KCNJ3: variants seen among roughly 807,000 people sequenced by gnomAD.
KCNJ3 encodes G protein-activated inward rectifier potassium channel 1.
A neutral mutation model predicts 39.2 loss-of-function variants in KCNJ3; 4 were observed. That is an observed-to-expected ratio of 0.10 (90% confidence interval 0.05 to 0.23). KCNJ3 has a LOEUF of 0.23. Ranked by LOEUF, KCNJ3 falls within the 10% of genes least tolerant of loss-of-function variation. The probability of loss-of-function intolerance (pLI) is 1.00; values close to 1 mark genes in which losing one functional copy is unlikely to be tolerated. For missense variants in KCNJ3, 276 were observed against 634.9 expected (o/e 0.43, Z 6.08); for synonymous variants, 230 against 237.4 (o/e 0.97, Z 0.29).
chr2:154,815,327 T>G (rs1687065537), intron 2 of KCNJ3, among the ~76,000 whole-genome samples: 1 of 152,216 alleles, frequency 6.6e-6, no homozygotes, highest in Non-Finnish European at 1.5e-5. Flanking sequence ...TAAAAAATCC[T>G]CAATGGCTAA....
rs189535541 is a variant in KCNJ3, at chr2:154,854,039, T to C, written c.920-688T>C. On this transcript the variant is annotated intron_variant, in intron 2 of 2. Transcript: ENST00000295101. Reference sequence around the variant, plus strand: ...GAACCAGCACAATGACTTTTCTTTTTCTAGCATATAAATATTACCACCTTT... The same window carrying C: ...GAACCAGCACAATGACTTTTCTTTTCCTAGCATATAAATATTACCACCTTT... Among the ~76,000 whole-genome samples, 523 of 152,290 alleles carry C rather than the reference T, an allele frequency of 3.4e-3. 2 individuals are homozygous for C. Among genetic ancestry groups the C allele is most frequent in the Middle Eastern group, 6.8e-3 (2 of 294 alleles).
intron 2 of KCNJ3, among the ~76,000 whole-genome samples, chr2:154,755,735 T>G (rs1574449442): frequency 6.6e-6 from 1 of 152,154 alleles, no homozygotes; most frequent in Middle Eastern, 3.4e-3. Context: ...TATTGCTTTT[T>G]AAGTTTGCTT....
chr2:154,707,822 T>C (rs1485162773), intron 1 of KCNJ3, among the ~76,000 whole-genome samples: 1 of 152,144 alleles, frequency 6.6e-6, no homozygotes, highest in Non-Finnish European at 1.5e-5. Context: ...AGGTTTTTGT[T>C]TTTGTTGCTT....
chr2:154,803,253 A>G (rs1199953681), intron 2 of KCNJ3, among the ~76,000 whole-genome samples: 1 of 152,174 alleles, frequency 6.6e-6, no homozygotes, highest in Admixed American at 6.5e-5. Flanking sequence ...TTTTTAGCAA[A>G]TAGTATTCAT....
intron 2 of KCNJ3, among the ~76,000 whole-genome samples, chr2:154,735,097 G>C (rs539336241): frequency 6.6e-6 from 1 of 151,888 alleles, no homozygotes; most frequent in East Asian, 2.0e-4. Context: ...GTGTGTGTGT[G>C]TGTGTTTGAG....
At chr2:154,710,824 G>A (rs182781710) in intron 2 of KCNJ3, among the ~76,000 whole-genome samples, 30 of 152,208 alleles carry the variant, frequency 2.0e-4, no homozygotes, top group Admixed American at 1.4e-3. Flanking sequence ...ATACCAAGGT[G>A]GAAGATCCTC....
At chr2:154,850,299 G>T (rs949868695) in intron 2 of KCNJ3, among the ~76,000 whole-genome samples, 1 of 151,736 alleles carries the variant, frequency 6.6e-6, no homozygotes, top group Non-Finnish European at 1.5e-5. Flanking sequence ...TCTAAGCATG[G>T]ATTATTTTAA....
chr2:154,767,181 T>G (rs997279798), intron 2 of KCNJ3, among the ~76,000 whole-genome samples: 3 of 147,542 alleles, frequency 2.0e-5, no homozygotes, highest in African/African-American at 7.9e-5. Context: ...TAGTACATTC[T>G]TTACCTTTTT....
chr2:154,737,855 G>A (rs1449515371), intron 2 of KCNJ3, among the ~76,000 whole-genome samples: 2 of 151,886 alleles, frequency 1.3e-5, no homozygotes, highest in Non-Finnish European at 2.9e-5. Flanking sequence ...AGAAACAGTG[G>A]CCACAAATTT....
intron 2 of KCNJ3, among the ~76,000 whole-genome samples, chr2:154,723,822 A>G (rs1685304329): frequency 6.6e-6 from 1 of 152,182 alleles, no homozygotes; most frequent in Non-Finnish European, 1.5e-5. Flanking sequence ...GAGTATTTAG[A>G]TACCTAGAAT....
At chr2:154,719,079 T>C (rs1425561206) in intron 2 of KCNJ3, among the ~76,000 whole-genome samples, 1 of 152,182 alleles carries the variant, frequency 6.6e-6, no homozygotes, top group African/African-American at 2.4e-5. Flanking sequence ...GGACTACCTG[T>C]ATCATAATCT....
intron 2 of KCNJ3, among the ~76,000 whole-genome samples, chr2:154,845,411 A>C (rs1687647901): frequency 6.6e-6 from 1 of 151,960 alleles, no homozygotes; most frequent in Non-Finnish European, 1.5e-5. Flanking sequence ...GAGCCACCAC[A>C]CCGGGCCTGA....
chr2:154,750,617 T>G (rs746451181), intron 2 of KCNJ3, among the ~76,000 whole-genome samples: 2 of 151,916 alleles, frequency 1.3e-5, no homozygotes, highest in African/African-American at 2.4e-5. Context: ...AATAAAAACC[T>G]TACAGTATTG....
intron 2 of KCNJ3, among the ~76,000 whole-genome samples, chr2:154,772,872 G>T (rs1279127100): frequency 2.0e-5 from 3 of 151,734 alleles, no homozygotes; most frequent in African/African-American, 4.8e-5. Flanking sequence ...TACAAACTGT[G>T]CAGTTAACCA....
chr2:154,786,371 A>G (rs955386417), intron 2 of KCNJ3, among the ~76,000 whole-genome samples: 1 of 152,210 alleles, frequency 6.6e-6, no homozygotes, highest in Non-Finnish European at 1.5e-5. Context: ...TATTTTCTGG[A>G]AAAATAAATA....
intron 2 of KCNJ3, among the ~76,000 whole-genome samples, chr2:154,780,438 G>C (rs1686416403): frequency 6.6e-6 from 1 of 152,116 alleles, no homozygotes; most frequent in African/African-American, 2.4e-5. Context: ...TTTACATGAT[G>C]GATAATGACT....
rs1685934039 is a variant in KCNJ3, at chr2:154,756,204, G to C, written c.919+46385G>C. On this transcript the variant is annotated intron_variant, in intron 2 of 2. Transcript: ENST00000295101. ...GAACTTGATACCAGTATCAACTAGA[G>C]TTAACCATTACCTATCTAGATAAAT... is the stretch of plus-strand genomic sequence containing the variant. Among the ~76,000 whole-genome samples the C allele has an allele frequency of 2.6e-5, 4 of 152,032 alleles. No individual in the cohort carries two copies. The South Asian group carries it at 8.3e-4, about 32-fold the overall frequency.
At chr2:154,846,312 T>A (rs1687662482) in intron 2 of KCNJ3, among the ~76,000 whole-genome samples, 1 of 152,208 alleles carries the variant, frequency 6.6e-6, no homozygotes, top group Non-Finnish European at 1.5e-5. Context: ...AGAAATTAAA[T>A]GATCACTAAA....
chr2:154,785,229 C>T (rs1034782432), intron 2 of KCNJ3, among the ~76,000 whole-genome samples: 2 of 152,122 alleles, frequency 1.3e-5, no homozygotes, highest in African/African-American at 4.8e-5. Flanking sequence ...AACGAAATTC[C>T]ACAGATTGGA....
Sources: gnomAD v4.1 joint callset for allele counts (sites outside exome capture counted in the v4.1 genomes callset) on GRCh38, gnomAD v4.1.1 for gene constraint, MANE v1.5 for transcripts, NCBI Gene and HGNC (gene_info 2026-07-23, HGNC 2026-07-21) for gene names.